Variants in PRKG1 observed in about 807,000 individuals in gnomAD.
The protein encoded by PRKG1 is protein kinase cGMP-dependent 1, also known as cGMP-dependent protein kinase 1.
PRKG1 carries 35 observed loss-of-function variants against 88.1 expected under a neutral mutation model. That is an observed-to-expected ratio of 0.40 (90% CI 0.30 to 0.53). The LOEUF is 0.53. PRKG1 is among the 20% of genes least tolerant of loss of function. The pLI is 0.59. For synonymous variants in PRKG1, 303 were observed against 292.5 expected, an observed-to-expected ratio of 1.04 and a Z score of -0.37; for missense variants, 540 against 839.8, an observed-to-expected ratio of 0.64 and a Z score of 4.41.
rs74131624 is a variant in PRKG1 at position 51,380,177 on chromosome 10, A to G, written c.479-87546A>G. Among the ~76,000 whole-genome samples the G allele has an allele frequency of 2.9e-3, 435 of 152,230 alleles. 3 individuals carry two copies. The highest frequency in any genetic ancestry group is 0.01 in the African/African-American group (421 of 41,540). ...CTCCAAAGCATTGACCTCTATTTAC[A>G]GACTACATATTTTACTTATTTATTG... On this transcript the variant is annotated intron_variant, in intron 2 of 17. Coordinates refer to ENST00000373980, the MANE Select transcript of PRKG1 (RefSeq NM_006258.4).
chr10:52,276,137 C>T (rs911073739), intron 12 of PRKG1, among the ~76,000 whole-genome samples: 1 of 152,098 alleles, frequency 6.6e-6, no homozygotes, highest in Non-Finnish European at 1.5e-5. Flanking sequence ...CAAACAGTGA[C>T]AGTTTGACTT....
At chr10:51,440,919 A>C (rs928061072) in intron 2 of PRKG1, among the ~76,000 whole-genome samples, 1 of 152,008 alleles carries the variant, frequency 6.6e-6, no homozygotes, top group African/African-American at 2.4e-5. Flanking sequence ...AACCAATAAG[A>C]GGATATGTTG....
At chr10:51,522,686 A>T (rs895976283) in intron 3 of PRKG1, among the ~76,000 whole-genome samples, 1 of 152,200 alleles carries the variant, frequency 6.6e-6, no homozygotes, top group Non-Finnish European at 1.5e-5. Context: ...CTGAGATTTC[A>T]CTTTAATTGA....
At chr10:51,469,578 A>G (rs1314193650) in intron 3 of PRKG1, among the ~76,000 whole-genome samples, 1 of 151,894 alleles carries the variant, frequency 6.6e-6, no homozygotes, top group Admixed American at 6.6e-5. Flanking sequence ...ACTAACATCT[A>G]TTGTACTCTG....
At chr10:51,818,087 T>C (rs1839639670) in intron 4 of PRKG1, among the ~76,000 whole-genome samples, 1 of 152,188 alleles carries the variant, frequency 6.6e-6, no homozygotes, top group Non-Finnish European at 1.5e-5. Flanking sequence ...GATTGGGCCA[T>C]CTGAAAATAT....
intron 1 of PRKG1, among the ~76,000 whole-genome samples, chr10:51,010,311 G>A (rs565146245): frequency 2.6e-5 from 4 of 152,346 alleles, no homozygotes; most frequent in Non-Finnish European, 4.4e-5. Context: ...AGGGCAAGAT[G>A]CTGTGAGGAT....
chr10:51,513,279 T>G (rs903099609), intron 3 of PRKG1, among the ~76,000 whole-genome samples: 1 of 144,898 alleles, frequency 6.9e-6, no homozygotes, highest in Non-Finnish European at 1.5e-5. Context: ...AGGGATCAAT[T>G]CAACAAGAGG....
chr10:51,233,495 C>T (rs1838900719), intron 2 of PRKG1, among the ~76,000 whole-genome samples: 1 of 152,086 alleles, frequency 6.6e-6, no homozygotes, highest in Admixed American at 6.6e-5. Flanking sequence ...AAATGTATTC[C>T]AGATGGAATG....
chr10:51,672,546 A>G (rs1346080724), intron 3 of PRKG1, among the ~76,000 whole-genome samples: 1 of 151,556 alleles, frequency 6.6e-6, no homozygotes, highest in Non-Finnish European at 1.5e-5. Context: ...TTGCTATTTT[A>G]TAGTCTGTAT....
chr10:51,945,562 A>C (rs1480537736), intron 5 of PRKG1, among the ~76,000 whole-genome samples: 1 of 151,916 alleles, frequency 6.6e-6, no homozygotes, highest in African/African-American at 2.4e-5. Context: ...GATGGTCTTT[A>C]CAATTTGGCA....
rs528522970 is a variant in PRKG1 at position 51,710,334 on chromosome 10, T to C, written c.593-94251T>C. On this transcript the variant is annotated intron_variant, in intron 3 of 17. Coordinates refer to ENST00000373980, the MANE Select transcript of PRKG1 (RefSeq NM_006258.4). ...TGAAAATGTAACTGCTGTTCATCCA[T>C]TGACCCTCTTTCTGAGGTTCAAGAT... 5.3e-5 allele frequency among the ~76,000 whole-genome samples: 8 copies of C among 152,368 alleles called. No homozygotes were observed. The South Asian group carries it at 8.3e-4, about 16-fold the overall frequency.
intron 1 of PRKG1, among the ~76,000 whole-genome samples, chr10:51,034,706 A>ATATATATG (rs1843332140): frequency 7.1e-6 from 1 of 140,132 alleles, no homozygotes; most frequent in Non-Finnish European, 1.6e-5. Context: ...ATATATATAT[A>ATATATATG]TGCCTTAAAA....
intron 3 of PRKG1, among the ~76,000 whole-genome samples, chr10:51,638,488 G>A (rs574297374): frequency 2.2e-4 from 33 of 152,284 alleles, no homozygotes; most frequent in Non-Finnish European, 1.6e-4. Flanking sequence ...ATTTTATTAT[G>A]CATTCATCAA....
intron 3 of PRKG1, among the ~76,000 whole-genome samples, chr10:51,718,316 G>C (rs1424096682): frequency 1.3e-5 from 2 of 152,186 alleles, no homozygotes; most frequent in Admixed American, 1.3e-4. Flanking sequence ...GCAAAGTCCA[G>C]AGGTGGGAAC....
chr10:51,186,767 C>T (rs137881535), intron 2 of PRKG1, among the ~76,000 whole-genome samples: 4 of 151,746 alleles, frequency 2.6e-5, no homozygotes, highest in African/African-American at 9.7e-5. Flanking sequence ...TTAGAGCGTG[C>T]CCCTCACTTT....
intron 10 of PRKG1, among the ~76,000 whole-genome samples, chr10:52,259,379 GA>G (rs1311265804): frequency 3.3e-5 from 5 of 152,082 alleles, no homozygotes; most frequent in Middle Eastern, 3.4e-3. Context: ...CCATGAGAGG[GA>G]AAAATAGTCC....
At chr10:51,083,474 G>A (rs1028158800) in intron 1 of PRKG1, among the ~76,000 whole-genome samples, 3 of 151,618 alleles carry the variant, frequency 2.0e-5, no homozygotes, top group African/African-American at 7.3e-5. Flanking sequence ...TGGGCTTGTA[G>A]CGTCTCTCTT....
intron 3 of PRKG1, among the ~76,000 whole-genome samples, chr10:51,590,405 C>A (rs954338557): frequency 2.0e-5 from 3 of 152,208 alleles, no homozygotes; most frequent in African/African-American, 7.2e-5. Flanking sequence ...TTTCTTTCCC[C>A]ATTGTATGCC....
chr10:51,901,701 C>A (rs1841982239), intron 4 of PRKG1, among the ~76,000 whole-genome samples: 1 of 152,096 alleles, frequency 6.6e-6, no homozygotes, highest in African/African-American at 2.4e-5. Flanking sequence ...TCTTTAAAGT[C>A]TGAATGATTT....
Sources: gnomAD v4.1 joint callset for allele counts (sites outside exome capture counted in the v4.1 genomes callset) on GRCh38, gnomAD v4.1.1 for gene constraint, MANE v1.5 for transcripts, NCBI Gene and HGNC (gene_info 2026-07-23, HGNC 2026-07-21) for gene names.